Variants in CTNNA3 observed in about 807,000 individuals in gnomAD.
CTNNA3 encodes catenin alpha 3.
CTNNA3 carries 76 observed loss-of-function variants against 95.7 expected under a neutral mutation model. The ratio of observed to expected loss-of-function variants is 0.79; its 90% confidence interval spans 0.66 to 0.96. The LOEUF is 0.96. Among genes scored for constraint, CTNNA3 ranks in the 40% least tolerant of loss-of-function variants. The pLI, the probability that CTNNA3 is intolerant of heterozygous loss-of-function variation, is 0.00. For synonymous variants in CTNNA3, 431 were observed against 374.4 expected (o/e 1.15, Z -1.74); for missense variants, 1,191 against 1,089.8 (o/e 1.09, Z -1.31).
At chr10:66,353,438 C>T (rs1279164648) in intron 12 of CTNNA3, among the ~76,000 whole-genome samples, 1 of 152,064 alleles carries the variant, frequency 6.6e-6, no homozygotes, top group African/African-American at 2.4e-5. Flanking sequence ...TTGAGGCAGA[C>T]ATCTGTTGGT....
intron 11 of CTNNA3, among the ~76,000 whole-genome samples, chr10:66,437,857 T>C (rs2093349138): frequency 6.6e-6 from 1 of 152,154 alleles, no homozygotes; most frequent in South Asian, 2.1e-4. Context: ...GTCTTTGACG[T>C]TGGTGATCTT....
At chr10:67,671,777 G>T (rs1224175268) in intron 1 of CTNNA3, among the ~76,000 whole-genome samples, 1 of 151,762 alleles carries the variant, frequency 6.6e-6, no homozygotes, top group South Asian at 2.1e-4. Flanking sequence ...CATTTGGGTT[G>T]GTTCCAAGTC....
chr10:66,522,673 T>C (rs1460810923), intron 10 of CTNNA3, among the ~76,000 whole-genome samples: 1 of 151,844 alleles, frequency 6.6e-6, no homozygotes, highest in Non-Finnish European at 1.5e-5. Flanking sequence ...CCAGTCTCAG[T>C]TCTGTCTTTA....
At chr10:67,492,626 C>T (rs1231905638) in intron 5 of CTNNA3, among the ~76,000 whole-genome samples, 1 of 152,172 alleles carries the variant, frequency 6.6e-6, no homozygotes, top group East Asian at 1.9e-4. Context: ...AGGCGAAAGT[C>T]TACATTAGAT....
intron 11 of CTNNA3, among the ~76,000 whole-genome samples, chr10:66,502,313 T>C (rs1388960267): frequency 2.0e-5 from 3 of 152,324 alleles, no homozygotes; most frequent in African/African-American, 7.2e-5. Flanking sequence ...CACAGACTCA[T>C]CTATGTCACT....
At chr10:67,720,790 C>A (rs1426915404) in intron 1 of CTNNA3, among the ~76,000 whole-genome samples, 1 of 152,072 alleles carries the variant, frequency 6.6e-6, no homozygotes, top group Non-Finnish European at 1.5e-5. Context: ...CCTGTCTCTA[C>A]TAAAAATACA....
At chr10:66,233,021 G>A (rs369811082) in intron 13 of CTNNA3, among the ~76,000 whole-genome samples, 3 of 151,924 alleles carry the variant, frequency 2.0e-5, no homozygotes, top group East Asian at 1.9e-4. Context: ...TTAGCCGGGC[G>A]TGGTGGTGTG....
intron 5 of CTNNA3, among the ~76,000 whole-genome samples, chr10:67,509,910 T>G (rs541518017): frequency 6.6e-6 from 1 of 152,350 alleles, no homozygotes; most frequent in South Asian, 2.1e-4. Context: ...GGTATCTCAT[T>G]GTGATTTTGA....
At chr10:66,162,773 C>T (rs2084917763) in intron 13 of CTNNA3, among the ~76,000 whole-genome samples, 2 of 151,876 alleles carry the variant, frequency 1.3e-5, no homozygotes, top group Non-Finnish European at 2.9e-5. Context: ...CTAGAACTCC[C>T]AAGGTTATAT....
intron 12 of CTNNA3, among the ~76,000 whole-genome samples, chr10:66,323,929 G>A (rs1363194323): frequency 6.6e-6 from 1 of 151,940 alleles, no homozygotes; most frequent in Non-Finnish European, 1.5e-5. Flanking sequence ...GGCTTGGGGT[G>A]GTCAGAGAGG....
At chr10:67,741,692 A>G (rs1841340409) in intron 1 of CTNNA3, among the ~76,000 whole-genome samples, 1 of 151,366 alleles carries the variant, frequency 6.6e-6, no homozygotes, top group Admixed American at 6.6e-5. Flanking sequence ...AAATGCTCCA[A>G]TTAAAAGACA....
intron 5 of CTNNA3, among the ~76,000 whole-genome samples, chr10:67,223,593 C>T (rs1864754596): frequency 6.6e-6 from 1 of 152,170 alleles, no homozygotes; most frequent in Non-Finnish European, 1.5e-5. Flanking sequence ...ACCTTAAAGT[C>T]TGTGCAAGTG....
intron 12 of CTNNA3, among the ~76,000 whole-genome samples, chr10:66,362,904 T>A (rs2092686791): frequency 6.6e-6 from 1 of 152,224 alleles, no homozygotes; most frequent in Non-Finnish European, 1.5e-5. Context: ...AACTATTAAT[T>A]AGATGTTCTT....
chr10:66,574,109 A>C (rs115101004), intron 10 of CTNNA3, among the ~76,000 whole-genome samples: 3,429 of 152,250 alleles, frequency 0.023, 153 homozygotes, highest in African/African-American at 0.077. Context: ...ACATAGATGA[A>C]ATTAGTATTA....
chr10:66,548,300 G>A (rs1223009723), intron 10 of CTNNA3, among the ~76,000 whole-genome samples: 1 of 151,998 alleles, frequency 6.6e-6, no homozygotes, highest in African/African-American at 2.4e-5. Flanking sequence ...ACATAGAATT[G>A]CAATTGATTT....
intron 15 of CTNNA3, among the ~76,000 whole-genome samples, chr10:66,003,956 T>C (rs778036396): frequency 1.3e-5 from 2 of 152,222 alleles, no homozygotes; most frequent in Non-Finnish European, 2.9e-5. Context: ...CTGCTTCGCA[T>C]GCCCACTCTG....
intron 1 of CTNNA3, among the ~76,000 whole-genome samples, chr10:67,691,411 G>T (rs987013081): frequency 6.6e-6 from 1 of 151,456 alleles, no homozygotes; most frequent in Non-Finnish European, 1.5e-5. Flanking sequence ...AGTGAGGAGC[G>T]TCTCTGCCTG....
chr10:67,568,080 C>T (rs1187918692), intron 3 of CTNNA3, among the ~76,000 whole-genome samples: 2 of 152,102 alleles, frequency 1.3e-5, no homozygotes, highest in African/African-American at 4.8e-5. Flanking sequence ...GGGACTTTCT[C>T]TCTCCCTTGT....
intron 9 of CTNNA3, among the ~76,000 whole-genome samples, chr10:66,705,178 T>C (rs1435290546): frequency 6.6e-6 from 1 of 152,112 alleles, no homozygotes; most frequent in Non-Finnish European, 1.5e-5. Context: ...TGATTTGTTT[T>C]AATGTTAACT....
Sources: allele counts gnomAD v4.1 joint callset (sites outside exome capture counted in the v4.1 genomes callset), GRCh38; gene constraint gnomAD v4.1.1; transcripts MANE v1.5; gene names NCBI Gene and HGNC (gene_info 2026-07-23, HGNC 2026-07-21).